SEC61A2: variants seen among roughly 807,000 people sequenced by gnomAD.
The protein encoded by SEC61A2 is protein transport protein Sec61 subunit alpha isoform 2.
In SEC61A2, 28 loss-of-function variants were observed where a neutral mutation model predicts 59.9. The observed-to-expected ratio is 0.47, with a 90% CI of 0.35 to 0.64. The LOEUF (loss-of-function observed/expected upper bound fraction) is 0.64, where lower values mean the gene tolerates loss of function less well. Ranked by LOEUF, SEC61A2 falls within the 30% of genes least tolerant of loss-of-function variation. SEC61A2 has a pLI of 0.01. For missense variants in SEC61A2, 340 were observed against 585.9 expected, an observed-to-expected ratio of 0.58 and a Z score of 4.33; for synonymous variants, 202 against 214.4, an observed-to-expected ratio of 0.94 and a Z score of 0.50.
intron 8 of SEC61A2, among the ~76,000 whole-genome samples, 180 bp downstream of exon 8, chr10:12,157,247 C>A (rs940857492): frequency 6.6e-6 from 1 of 152,114 alleles, no homozygotes; most frequent in African/African-American, 2.4e-5. Flanking sequence ...AGTCTCTGTA[C>A]TTTTTTTGTT....
In SEC61A2 at chr10:12,154,289, A is replaced by C. The variant is rs1057308893; in HGVS notation, c.463-1489A>C. The stretch of plus-strand genomic sequence containing the variant: ...TTTCTTCCTCCCTTTGGAAAAACCC[A>C]AGTTTAATTTTCACAGGACATATGT... On this transcript the variant is annotated intron_variant, in intron 6 of 11. Transcript: ENST00000298428. This position sits in a 1 kb window ranked among gnomAD's most constrained non-coding sequence, Gnocchi z 5.2. Among the ~76,000 whole-genome samples the C allele has an allele frequency of 6.6e-6, 1 of 152,164 alleles. No homozygotes were observed. The highest frequency in any genetic ancestry group is 1.5e-5 in the Non-Finnish European group (1 of 68,038).
intron 8 of SEC61A2, among the ~76,000 whole-genome samples, chr10:12,157,572 G>C (rs576710814): frequency 7.0e-6 from 1 of 143,416 alleles, no homozygotes; most frequent in Non-Finnish European, 1.5e-5. Flanking sequence ...GCGCAATCCC[G>C]GCTAACTGCA....
rs112937151 is a variant in SEC61A2 at position 12,152,449 on chromosome 10, G to A, written c.462+2488G>A. Among the ~76,000 whole-genome samples, 57 of 152,310 alleles carry A rather than the reference G, an allele frequency of 3.7e-4. No individual in the cohort carries two copies. Among genetic ancestry groups the A allele is most frequent in the African/African-American group, 1.3e-3 (56 of 41,576 alleles). ...CTGATCCCCAGTGTGTTCGCATTTG[G>A]TAGAAGATACGTTTCCTTAAAGAAT... On this transcript the variant is annotated intron_variant, in intron 6 of 11. Coordinates refer to ENST00000298428, the MANE Select transcript of SEC61A2 (RefSeq NM_018144.4). This position sits in a 1 kb window ranked among gnomAD's most constrained non-coding sequence, Gnocchi z 5.5.
intron 8 of SEC61A2, among the ~76,000 whole-genome samples, 163 bp from the exon 9 acceptor site, chr10:12,157,745 C>T (rs905168273): frequency 1.3e-5 from 2 of 152,114 alleles, no homozygotes; most frequent in Admixed American, 1.3e-4. Flanking sequence ...TCGTGATCTG[C>T]CCGCCTCGGC....
chr10:12,144,706 A>G (rs1361877808), intron 4 of SEC61A2, among the ~76,000 whole-genome samples: 7 of 152,162 alleles, frequency 4.6e-5, no homozygotes, highest in African/African-American at 1.7e-4. Flanking sequence ...ATTCTAGGGA[A>G]GAGCCAGTGC....
chr10:12,157,524 G>C (rs1177268767), intron 8 of SEC61A2, among the ~76,000 whole-genome samples: 2 of 103,310 alleles, frequency 1.9e-5, no homozygotes, highest in Non-Finnish European at 3.9e-5. Flanking sequence ...TTTTTTTTGA[G>C]ATGGAGTCTT....
In SEC61A2 at chr10:12,152,124, C is replaced by G. The variant is rs1297780790; in HGVS notation, c.462+2163C>G. Among the ~76,000 whole-genome samples, 2 of 151,676 alleles carry G rather than the reference C, an allele frequency of 1.3e-5. No individual in the cohort carries two copies. The highest frequency in any genetic ancestry group is 2.9e-5 in the Non-Finnish European group (2 of 67,948). ...TTCGAGACGGAGTCCTGCTCTGTCT[C>G]CCAGACTAAAGTGCAGTGGTGCAAT... On this transcript the variant is annotated intron_variant, in intron 6 of 11. Transcript: ENST00000298428. This position sits in a 1 kb window ranked among gnomAD's most constrained non-coding sequence, Gnocchi z 5.5.
intron 6 of SEC61A2, among the ~76,000 whole-genome samples, chr10:12,151,097 A>G (rs186808310): frequency 1.5e-4 from 22 of 151,056 alleles, no homozygotes; most frequent in Non-Finnish European, 3.1e-4. Flanking sequence ...AAATATGTTA[A>G]GTTTGGAAGC....
Position 12,149,467 on chromosome 10 carries a change from A to C in SEC61A2, c.221-128A>C, listed in dbSNP as rs1321834279. 2.3e-6 allele frequency: 2 copies of C among 864,946 alleles called. No homozygotes were observed. Among genetic ancestry groups the C allele is most frequent in the Non-Finnish European group, 3.6e-6 (2 of 552,696 alleles). The allele number at this position is 864,946 out of a possible 1,614,324, so 53.6% of individuals were successfully genotyped here. On this transcript the variant is annotated intron_variant, in intron 4 of 11. Transcript: ENST00000298428. The surrounding 1 kb of genome is among the most constrained non-coding windows in gnomAD (Gnocchi z 5.2). ...CTTTTCTTAGCAAGTAGTGTTTAAG[A>C]AATGAAAATTTGCTTGTTAAAATTT...
intron 2 of SEC61A2, 48 bp downstream of exon 2, chr10:12,133,356 C>G: frequency 3.1e-6 from 3 of 952,570 alleles, no homozygotes; most frequent in Non-Finnish European, 3.3e-6. Context: ...AGGGCTTGTT[C>G]TATGAAACCA....
At position 12,155,233 on chromosome 10, in the gene SEC61A2, T is replaced by G; in HGVS notation, c.463-545T>G. 1.0e-6 allele frequency: 1 copy of G among 1,004,816 alleles called. No individual in the cohort carries two copies. The highest frequency in any genetic ancestry group is 1.3e-6 in the Non-Finnish European group (1 of 744,014). The allele number at this position is 1,004,816 out of a possible 1,614,324, so 62.2% of individuals were successfully genotyped here. On this transcript the variant is annotated intron_variant, in intron 6 of 11. Transcript: ENST00000298428. This position sits in a 1 kb window ranked among gnomAD's most constrained non-coding sequence, Gnocchi z 4.3. ...GCTCGAGTACGTATTTGAGTACATA[T>G]TTGTGTTCTAGTTTTTTATTCTGTA...
rs915661470 is a variant in SEC61A2, at chr10:12,149,192, C to T, written c.221-403C>T. ...GCAACCTCTGCCTTCCAGGTTTAAG[C>T]GATTCTCCTGCCTCAGACTCCTGAG... is the stretch of plus-strand genomic sequence containing the variant. On this transcript the variant is annotated intron_variant, in intron 4 of 11. Coordinates refer to ENST00000298428, the MANE Select transcript of SEC61A2 (RefSeq NM_018144.4). This position sits in a 1 kb window ranked among gnomAD's most constrained non-coding sequence, Gnocchi z 5.2. Among the ~76,000 whole-genome samples, 11 of 151,778 alleles carry T rather than the reference C, an allele frequency of 7.2e-5. No homozygotes were observed. The highest frequency in any genetic ancestry group is 1.2e-4 in the Non-Finnish European group (8 of 67,950).
At chr10:12,136,569 C>G (rs189428429) in intron 3 of SEC61A2, among the ~76,000 whole-genome samples, 34 of 152,320 alleles carry the variant, frequency 2.2e-4, no homozygotes, top group Admixed American at 2.0e-3. Context: ...CTTCCTTGGG[C>G]TCCCAAGTAG....
chr10:12,165,858 A>G (rs1294483115), downstream of SEC61A2: 1 of 152,230 alleles, frequency 6.6e-6, no homozygotes, highest in Non-Finnish European at 1.5e-5. Flanking sequence ...GCATCCGCCA[A>G]GGGCCTCAGA....
At chr10:12,134,797 A>C (rs1300683322) in intron 2 of SEC61A2, among the ~76,000 whole-genome samples, 5 of 152,078 alleles carry the variant, frequency 3.3e-5, no homozygotes. Context: ...GTGCGCCTGT[A>C]GTCCCAGCTT....
chr10:12,157,830 C>A (rs1834439907), intron 8 of SEC61A2, 78 bp from the exon 9 acceptor site: 1 of 1,386,130 alleles, frequency 7.2e-7, no homozygotes, highest in African/African-American at 1.4e-5. Context: ...CCGCACTGTT[C>A]TTTGTTTTCC....
At position 12,155,177 on chromosome 10, in the gene SEC61A2, C is replaced by G. The variant is rs571717579; in HGVS notation, c.463-601C>G. 2.6e-4 allele frequency: 119 copies of G among 462,798 alleles called. No homozygotes were observed. Among genetic ancestry groups the G allele is most frequent in the South Asian group, 1.8e-3 (20 of 10,920 alleles). 28.7% of individuals were successfully genotyped at this position (462,798 alleles called of 1,614,324 possible). ...TCAAATTTACATTCAATCTTTGTCA[C>G]TATGTGTATAGAATGCATTTTTACA... On this transcript the variant is annotated intron_variant, in intron 6 of 11. Transcript: ENST00000298428. This position sits in a 1 kb window ranked among gnomAD's most constrained non-coding sequence, Gnocchi z 4.3.
rs1834047045 is a variant in SEC61A2 at position 12,142,662 on chromosome 10, A to C, written c.142-455A>C. On this transcript the variant is annotated intron_variant, in intron 3 of 11. Transcript: ENST00000298428. The surrounding 1 kb of genome is among the most constrained non-coding windows in gnomAD (Gnocchi z 5.4). ...TTCATCATTTTTAGATGTGCAGTTT[A>C]GTAACATTAGGAATGTTCACATTGT... is the stretch of plus-strand genomic sequence containing the variant. 1 of 239,994 alleles carries C rather than the reference A, an allele frequency of 4.2e-6. No individual in the cohort carries two copies. Among genetic ancestry groups the C allele is most frequent in the Admixed American group, 6.5e-5 (1 of 15,482 alleles). The allele number at this position is 239,994 out of a possible 1,614,324, so 14.9% of individuals were successfully genotyped here.
chr10:12,132,333 G>A (rs1833771035), intron 1 of SEC61A2, among the ~76,000 whole-genome samples: 1 of 151,726 alleles, frequency 6.6e-6, no homozygotes, highest in South Asian at 2.1e-4. Flanking sequence ...AACTATAGGG[G>A]CCAGGTGCCA....
Sources: gnomAD v4.1 joint callset for allele counts (sites outside exome capture counted in the v4.1 genomes callset) on GRCh38, gnomAD v4.1.1 for gene constraint, Gnocchi (gnomAD v3.1) non-coding constraint, MANE v1.5 for transcripts, NCBI Gene and HGNC (gene_info 2026-07-23, HGNC 2026-07-21) for gene names.